Variants in REEP1 observed in about 807,000 individuals in gnomAD.
The protein encoded by REEP1 is receptor expression-enhancing protein 1.
REEP1 carries 22 observed loss-of-function variants against 40.3 expected under a neutral mutation model. The observed-to-expected ratio is 0.55, with a 90% CI of 0.39 to 0.78. The LOEUF is 0.78. Ranked by LOEUF, REEP1 falls within the 30% of genes least tolerant of loss-of-function variation. The probability of loss-of-function intolerance (pLI) is 0.00; values close to 1 mark genes in which losing one functional copy is unlikely to be tolerated. For missense variants in REEP1, 280 were observed against 361.1 expected, an observed-to-expected ratio of 0.78 and a Z score of 1.82; for synonymous variants, 116 against 139.2, an observed-to-expected ratio of 0.83 and a Z score of 1.17.
chr2:86,284,211 G>A (rs982705913), intron 1 of REEP1, among the ~76,000 whole-genome samples: 4 of 152,008 alleles, frequency 2.6e-5, no homozygotes, highest in Non-Finnish European at 5.9e-5. Flanking sequence ...TCACTTCCTC[G>A]GGGAGGCCTT....
chr2:86,218,516 G>A (rs1012215233), intron 8 of REEP1, among the ~76,000 whole-genome samples: 9 of 152,350 alleles, frequency 5.9e-5, no homozygotes, highest in Middle Eastern at 3.4e-3. Context: ...CACTGAAAAC[G>A]GAAACAACGG....
chr2:86,241,045 C>T (rs955578066), intron 5 of REEP1, among the ~76,000 whole-genome samples: 4 of 152,202 alleles, frequency 2.6e-5, no homozygotes, highest in African/African-American at 9.6e-5. Context: ...TGAGTTGGGT[C>T]TCTGTAGCCA....
intron 1 of REEP1, among the ~76,000 whole-genome samples, chr2:86,286,043 C>G (rs553977805): frequency 9.9e-5 from 15 of 152,014 alleles, no homozygotes; most frequent in Admixed American, 3.9e-4. Flanking sequence ...CCCCCACTGT[C>G]ATTAACTGTT....
chr2:86,262,776 G>A (rs193078379), intron 3 of REEP1, among the ~76,000 whole-genome samples: 9 of 152,316 alleles, frequency 5.9e-5, no homozygotes, highest in East Asian at 1.9e-4. Flanking sequence ...ATCCCAAGTC[G>A]TAGAAATAAC....
rs940065662 is a variant in REEP1, at chr2:86,285,247, A to G, written c.33-3005T>C. 2.6e-5 allele frequency among the ~76,000 whole-genome samples: 4 copies of G among 152,204 alleles called. No homozygotes were observed. In the East Asian group the frequency reaches 5.8e-4, roughly 22 times the overall value. ...GAATGTTAGCACAGGATCTTTCCCAATCCCACAACTCTTTTGTTTTTCCTG... is the reference window on the plus strand; with the variant it reads ...GAATGTTAGCACAGGATCTTTCCCAGTCCCACAACTCTTTTGTTTTTCCTG... On this transcript the variant is annotated intron_variant, in intron 1 of 8. Transcript: ENST00000538924.
chr2:86,262,069 C>T (rs139044823), intron 3 of REEP1, among the ~76,000 whole-genome samples: 1,701 of 152,348 alleles, frequency 0.011, 34 homozygotes, highest in African/African-American at 0.039. Context: ...ATCCCCCTCT[C>T]GGAGAAACAC....
At chr2:86,323,606 A>G (rs140681062) in intron 1 of REEP1, among the ~76,000 whole-genome samples, 1 of 152,192 alleles carries the variant, frequency 6.6e-6, no homozygotes, top group Non-Finnish European at 1.5e-5. Context: ...TCTGAGGTGG[A>G]ACAGTTTCAT....
At chr2:86,243,704 A>G (rs1675789742) in intron 5 of REEP1, among the ~76,000 whole-genome samples, 1 of 152,250 alleles carries the variant, frequency 6.6e-6, no homozygotes, top group South Asian at 2.1e-4. Context: ...ACTGGAGGGT[A>G]GGGAATACTT....
At chr2:86,288,528 A>G (rs1678532692) in intron 1 of REEP1, among the ~76,000 whole-genome samples, 2 of 152,178 alleles carry the variant, frequency 1.3e-5, no homozygotes, top group Admixed American at 1.3e-4. Context: ...CTGTTGATGC[A>G]TACTTAGGTT....
intron 5 of REEP1, among the ~76,000 whole-genome samples, chr2:86,238,882 G>A (rs887854049): frequency 6.6e-6 from 1 of 152,136 alleles, no homozygotes. Context: ...GGTCTTTGTA[G>A]TTTTGTGTGC....
intron 6 of REEP1, among the ~76,000 whole-genome samples, chr2:86,228,683 C>A (rs1674853804): frequency 6.6e-6 from 1 of 152,162 alleles, no homozygotes; most frequent in South Asian, 2.1e-4. Flanking sequence ...GTCTCAAACT[C>A]TCTACCTCAG....
chr2:86,251,666 G>A, intron 5 of REEP1: 1 of 455,856 alleles, frequency 2.2e-6, no homozygotes, highest in Non-Finnish European at 4.1e-6. Context: ...TTATTTTCTT[G>A]TTTCCAGTGG....
At chr2:86,251,351 T>C (rs187998518) in intron 5 of REEP1, 276 of 160,460 alleles carry the variant, frequency 1.7e-3, no homozygotes, top group Non-Finnish European at 2.8e-3. Context: ...CACCACAACA[T>C]CCCACAGACT....
chr2:86,264,510 C>A (rs1677041653), intron 2 of REEP1, among the ~76,000 whole-genome samples: 1 of 152,090 alleles, frequency 6.6e-6, no homozygotes. Flanking sequence ...TCCCCTAAGG[C>A]CTTTGTCCCC....
intron 5 of REEP1, among the ~76,000 whole-genome samples, chr2:86,249,365 TC>T (rs1676147254): frequency 6.6e-6 from 1 of 152,122 alleles, no homozygotes; most frequent in South Asian, 2.1e-4. Context: ...GCTGCCCGGT[TC>T]CCACACACAC....
intron 3 of REEP1, among the ~76,000 whole-genome samples, chr2:86,258,338 A>G (rs1402097232): frequency 1.1e-4 from 16 of 152,226 alleles, no homozygotes; most frequent in Non-Finnish European, 1.5e-5. Context: ...ATGCACAATG[A>G]TTTATTAATT....
At chr2:86,226,175 G>C (rs1370452408) in intron 7 of REEP1, among the ~76,000 whole-genome samples, 1 of 145,068 alleles carries the variant, frequency 6.9e-6, no homozygotes, top group African/African-American at 2.6e-5. Context: ...TCCTTCCCAG[G>C]ATTATTATGG....
chr2:86,226,262 C>T (rs1486363581), intron 7 of REEP1, among the ~76,000 whole-genome samples: 2 of 152,132 alleles, frequency 1.3e-5, no homozygotes, highest in African/African-American at 4.8e-5. Context: ...AGAGGAGGAA[C>T]TGAAGCTCAC....
chr2:86,316,535 C>T (rs182411770), intron 1 of REEP1, among the ~76,000 whole-genome samples: 3,726 of 91,256 alleles, frequency 0.041, 94 homozygotes, highest in East Asian at 0.09. Context: ...GCAACAAGAA[C>T]GAAACTCTGT....
Sources: allele counts gnomAD v4.1 joint callset (sites outside exome capture counted in the v4.1 genomes callset), GRCh38; gene constraint gnomAD v4.1.1; transcripts MANE v1.5; gene names NCBI Gene and HGNC (gene_info 2026-07-23, HGNC 2026-07-21).